Variants in TAMM41 observed in about 807,000 individuals in gnomAD.
TAMM41 encodes the protein phosphatidate cytidylyltransferase, mitochondrial.
In TAMM41, 36 loss-of-function variants were observed where a neutral mutation model predicts 44.1. The observed-to-expected ratio is 0.82, with a 90% CI of 0.63 to 1.08. TAMM41 has a LOEUF of 1.08. TAMM41 is among the 50% of genes least tolerant of loss of function. The pLI, the probability that TAMM41 is intolerant of heterozygous loss-of-function variation, is 0.00. For missense variants in TAMM41, 417 were observed against 404.3 expected (o/e 1.03, Z -0.27); for synonymous variants, 164 against 153.1 (o/e 1.07, Z -0.53).
At chr3:11,791,819 T>C (rs562523591) in intron 7 of TAMM41, among the ~76,000 whole-genome samples, 2 of 152,312 alleles carry the variant, frequency 1.3e-5, no homozygotes, top group East Asian at 3.9e-4. Flanking sequence ...AGCTGACTAC[T>C]TGCAAACCAA....
chr3:11,790,073 A>T (rs550596915), downstream of TAMM41, among the ~76,000 whole-genome samples: 117 of 152,304 alleles, frequency 7.7e-4, no homozygotes, highest in Middle Eastern at 6.8e-3. Flanking sequence ...GGAAATGTTG[A>T]CGTGACACTT....
chr3:11,810,870 C>T (rs1189330158), intron 5 of TAMM41: 1 of 151,638 alleles, frequency 6.6e-6, no homozygotes, highest in Non-Finnish European at 1.5e-5. Context: ...TCAACATCAG[C>T]CCTAGCAAAA....
At chr3:11,751,215 C>G in the TAMM41 span, among the ~76,000 whole-genome samples, 1 of 151,902 alleles carries the variant, frequency 6.6e-6, no homozygotes, top group Non-Finnish European at 1.5e-5. Flanking sequence ...CCTCAGCCTC[C>G]TGAGTAGCTG....
chr3:11,804,978 G>A (rs937655653), intron 7 of TAMM41, among the ~76,000 whole-genome samples: 3 of 144,662 alleles, frequency 2.1e-5, no homozygotes, highest in South Asian at 2.2e-4. Flanking sequence ...CTACGGGCGC[G>A]CACCACCACG....
the TAMM41 span, among the ~76,000 whole-genome samples, chr3:11,765,250 C>G: frequency 6.6e-6 from 1 of 152,140 alleles, no homozygotes; most frequent in African/African-American, 2.4e-5. Context: ...CTACCACCAC[C>G]CTGACAGTCA....
At chr3:11,776,020 T>A in the TAMM41 span, among the ~76,000 whole-genome samples, 6 of 141,096 alleles carry the variant, frequency 4.3e-5, no homozygotes, top group South Asian at 2.1e-4. Flanking sequence ...TAATTAATTT[T>A]TTTTTTTTTT....
At chr3:11,832,908 C>A in intron 3 of TAMM41, 1 of 863,846 alleles carries the variant, frequency 1.2e-6, no homozygotes, top group Non-Finnish European at 1.4e-6. Context: ...AACAAAATAC[C>A]ACTTGTTCTC....
chr3:11,830,357 G>A (rs1332247196), intron 3 of TAMM41, among the ~76,000 whole-genome samples: 1 of 152,134 alleles, frequency 6.6e-6, no homozygotes, highest in East Asian at 1.9e-4. Flanking sequence ...ACTAGCTACA[G>A]TAGAAAAAGA....
intron 7 of TAMM41, among the ~76,000 whole-genome samples, chr3:11,792,783 G>A (rs950991445): frequency 3.3e-5 from 5 of 152,146 alleles, no homozygotes; most frequent in African/African-American, 1.2e-4. Context: ...TTAAGAGAGT[G>A]AAATGACATG....
the TAMM41 span, among the ~76,000 whole-genome samples, chr3:11,778,044 G>T: frequency 6.6e-6 from 1 of 151,968 alleles, no homozygotes; most frequent in African/African-American, 2.4e-5. Context: ...TTTGTGTGAG[G>T]CTTCTTCCAT....
At chr3:11,818,987 G>A (rs949689179) in intron 4 of TAMM41, among the ~76,000 whole-genome samples, 3 of 151,936 alleles carry the variant, frequency 2.0e-5, no homozygotes, top group Non-Finnish European at 4.4e-5. Flanking sequence ...GAGCAGAAGC[G>A]AGTCCCAGTC....
the TAMM41 span, among the ~76,000 whole-genome samples, chr3:11,764,365 T>A: frequency 6.6e-6 from 1 of 151,738 alleles, no homozygotes; most frequent in African/African-American, 2.4e-5. Context: ...GCGTTCCCAG[T>A]GGCTTGTGAA....
chr3:11,832,427 T>C (rs1262978981), intron 3 of TAMM41, among the ~76,000 whole-genome samples: 4 of 152,092 alleles, frequency 2.6e-5, no homozygotes, highest in African/African-American at 4.8e-5. Flanking sequence ...ATCTAAAATA[T>C]AAAGGAGGAT....
At chr3:11,765,039 T>A in the TAMM41 span, among the ~76,000 whole-genome samples, 2 of 152,218 alleles carry the variant, frequency 1.3e-5, no homozygotes, top group Non-Finnish European at 2.9e-5. Context: ...GGCCTCACCT[T>A]TCCTGTGGTT....
chr3:11,822,323 G>A (rs1042094456), intron 4 of TAMM41, among the ~76,000 whole-genome samples: 5 of 152,132 alleles, frequency 3.3e-5, no homozygotes, highest in Non-Finnish European at 5.9e-5. Context: ...CACATACCAT[G>A]TAATTCATCC....
chr3:11,819,442 C>T (rs2078422425), intron 4 of TAMM41, among the ~76,000 whole-genome samples: 1 of 152,182 alleles, frequency 6.6e-6, no homozygotes, highest in Non-Finnish European at 1.5e-5. Flanking sequence ...TATAAAATTG[C>T]TCACTGAAGC....
the TAMM41 span, among the ~76,000 whole-genome samples, chr3:11,772,288 A>C: frequency 4.4e-4 from 59 of 135,366 alleles, no homozygotes; most frequent in East Asian, 0.011. Context: ...TCACCGTGTT[A>C]GCCAGGATGG....
At chr3:11,814,400 T>A (rs1432752888) in intron 5 of TAMM41, among the ~76,000 whole-genome samples, 1 of 151,990 alleles carries the variant, frequency 6.6e-6, no homozygotes, top group African/African-American at 2.4e-5. Flanking sequence ...AATAGGAAGC[T>A]ATAAGAAAGA....
intron 7 of TAMM41, among the ~76,000 whole-genome samples, chr3:11,801,436 T>G (rs907059196): frequency 6.6e-6 from 1 of 152,246 alleles, no homozygotes; most frequent in African/African-American, 2.4e-5. Context: ...GTGAGACTCC[T>G]GCCTCAGCCT....
Sources: gnomAD v4.1 joint callset for allele counts (sites outside exome capture counted in the v4.1 genomes callset) on GRCh38, gnomAD v4.1.1 for gene constraint, MANE v1.5 for transcripts, NCBI Gene and HGNC (gene_info 2026-07-23, HGNC 2026-07-21) for gene names.